The following NAB1 variants were observed in gnomAD, a reference collection of about 807,000 sequenced individuals.
NAB1 encodes the protein NGFI-A binding protein 1.
Under a neutral mutation model 49.9 loss-of-function variants are expected in NAB1, and 25 were observed. The observed-to-expected ratio is 0.50, with a 90% CI of 0.37 to 0.70. The LOEUF is 0.70. Among genes scored for constraint, NAB1 ranks in the 30% least tolerant of loss-of-function variants. NAB1 has a pLI of 0.00. For synonymous variants in NAB1, 198 were observed against 215.6 expected, an observed-to-expected ratio of 0.92 and a Z score of 0.71; for missense variants, 489 against 575.9, an observed-to-expected ratio of 0.85 and a Z score of 1.54.
At position 190,683,807 on chromosome 2, in the gene NAB1, C is replaced by G; in HGVS notation, c.1075C>G (p.Leu359Val). 3 of 1,613,294 alleles carry G rather than the reference C, an allele frequency of 1.9e-6. No individual in the cohort carries two copies. Among genetic ancestry groups the G allele is most frequent in the Non-Finnish European group, 2.5e-6 (3 of 1,179,600 alleles). ...GCAGGCTAGAGCTAAGAGTGAAGAACTTGCAGCTCTTAGTTCACAGGTAAC... is the reference window on the plus strand; with the variant it reads ...GCAGGCTAGAGCTAAGAGTGAAGAAGTTGCAGCTCTTAGTTCACAGGTAAC... ...FQQARAKSEE[L>V]AALSSQQPEK... The change falls in exon 7 of 10, where the codon CTT becomes GTT. Residue 359 changes from leucine to valine, a missense_variant. This residue lies in a region of NAB1 where 212 missense variants were observed against 199.3 expected (regional missense o/e 1.06). Transcript: ENST00000337386.
In NAB1 at chr2:190,689,665, AAT is replaced by A. The variant is rs2125899312; in HGVS notation, c.1376-578_1376-577del. Among the ~76,000 whole-genome samples, 1 of 152,248 alleles carries A rather than the reference AAT, an allele frequency of 6.6e-6. No individual in the cohort carries two copies. The highest frequency in any genetic ancestry group is 2.1e-4 in the South Asian group (1 of 4,820). ...ACTCCATGGAATGATTTCTCATGAA[AAT>A]AGTGTTCATTATTTTATCCCTATTT... On this transcript the variant is annotated intron_variant, in intron 9 of 9. Coordinates refer to ENST00000337386, the MANE Select transcript of NAB1 (RefSeq NM_005966.4). This position sits in a 1 kb window ranked among gnomAD's most constrained non-coding sequence, Gnocchi z 4.3.
At chr2:190,655,123 C>G (rs1447160077) in intron 2 of NAB1, among the ~76,000 whole-genome samples, 1 of 152,194 alleles carries the variant, frequency 6.6e-6, no homozygotes, top group Non-Finnish European at 1.5e-5. Flanking sequence ...TTTATGACTA[C>G]TTTTAGTATT....
intron 5 of NAB1, 92 bp from the exon 6 acceptor site, chr2:190,673,009 T>A: frequency 9.1e-7 from 1 of 1,100,206 alleles, no homozygotes; most frequent in Non-Finnish European, 1.3e-6. Context: ...AGGGTATATG[T>A]TTTGGTGGAA....
At position 190,682,127 on chromosome 2, in the gene NAB1, A is replaced by G. The variant is rs571061112; in HGVS notation, c.1006-1611A>G. ...CTTGAAAAAAGTAGGTGGAATACCA[A>G]GTATAAAATGGAAGTAATTTAAGTT... On this transcript the variant is annotated intron_variant, in intron 6 of 9. Transcript: ENST00000337386. The surrounding 1 kb of genome is among the most constrained non-coding windows in gnomAD (Gnocchi z 4.1). 1.3e-5 allele frequency among the ~76,000 whole-genome samples: 2 copies of G among 152,378 alleles called. No individual in the cohort carries two copies. The highest frequency in any genetic ancestry group is 1.9e-4 in the East Asian group (1 of 5,194).
chr2:190,666,428 C>T lies in NAB1; in HGVS notation c.820-3898C>T, dbSNP rs765050927. On this transcript the variant is annotated intron_variant, in intron 4 of 9. Coordinates refer to ENST00000337386, the MANE Select transcript of NAB1 (RefSeq NM_005966.4). This position sits in a 1 kb window ranked among gnomAD's most constrained non-coding sequence, Gnocchi z 5.6. ...TAAAAGATAGCTAACTTTAAGAGGC[C>T]GGGCATGGTGGCTCACGCCTGTAAT... Among the ~76,000 whole-genome samples, 18 of 152,162 alleles carry T rather than the reference C, an allele frequency of 1.2e-4. No homozygotes were observed. The highest frequency in any genetic ancestry group is 1.9e-4 in the East Asian group (1 of 5,176).
In NAB1 at chr2:190,654,291, C is replaced by T. The variant is rs572649650; in HGVS notation, c.-196-1686C>T. Reference sequence around the variant, plus strand: ...CATTGTTTAAGTCTCTGCTTCTTGTCTCTCCTTGCTCTTAACTGACTCTCC... The same window carrying T: ...CATTGTTTAAGTCTCTGCTTCTTGTTTCTCCTTGCTCTTAACTGACTCTCC... On this transcript the variant is annotated intron_variant, in intron 2 of 9. Coordinates refer to ENST00000337386, the MANE Select transcript of NAB1 (RefSeq NM_005966.4). The surrounding 1 kb of genome is among the most constrained non-coding windows in gnomAD (Gnocchi z 5.6). Among the ~76,000 whole-genome samples, 6 of 152,340 alleles carry T rather than the reference C, an allele frequency of 3.9e-5. No homozygotes were observed. Among genetic ancestry groups the T allele is most frequent in the African/African-American group, 1.4e-4 (6 of 41,574 alleles).
rs1695543071 is a variant in NAB1 at position 190,685,121 on chromosome 2, G to A, written c.1096-355G>A. 6.6e-6 allele frequency among the ~76,000 whole-genome samples: 1 copy of A among 152,178 alleles called. No homozygotes were observed. The highest frequency in any genetic ancestry group is 2.4e-5 in the African/African-American group (1 of 41,446). On this transcript the variant is annotated intron_variant, in intron 7 of 9. Transcript: ENST00000337386. The surrounding 1 kb of genome is among the most constrained non-coding windows in gnomAD (Gnocchi z 4.5). ...CAAGATTTCGCCCCAAGTGTTAGAA[G>A]TAGTTTATAGCAGATGTTGCTGTTG...
At chr2:190,650,214 C>T (rs1381326949) in intron 2 of NAB1, among the ~76,000 whole-genome samples, 3 of 152,192 alleles carry the variant, frequency 2.0e-5, no homozygotes, top group South Asian at 2.1e-4. Context: ...CATGTACTTA[C>T]ACCTCGCTCC....
At chr2:190,661,481 A>G (rs1273736921) in intron 4 of NAB1, among the ~76,000 whole-genome samples, 1 of 152,230 alleles carries the variant, frequency 6.6e-6, no homozygotes, top group Non-Finnish European at 1.5e-5. Context: ...AACATAGCAG[A>G]TGAAATACAA....
In NAB1 at chr2:190,682,781, G is replaced by C. The variant is rs922749782; in HGVS notation, c.1006-957G>C. Among the ~76,000 whole-genome samples the C allele has an allele frequency of 6.6e-6, 1 of 152,016 alleles. No homozygotes were observed. Among genetic ancestry groups the C allele is most frequent in the East Asian group, 1.9e-4 (1 of 5,198 alleles). ...GAGTATCAAAAGTATAGATAAATTG[G>C]CATAAATTAAGAAAACAAGAATTCT... On this transcript the variant is annotated intron_variant, in intron 6 of 9. Transcript: ENST00000337386. This position sits in a 1 kb window ranked among gnomAD's most constrained non-coding sequence, Gnocchi z 4.1.
In NAB1 at chr2:190,670,319, T is replaced by C. The variant is rs1313682217; in HGVS notation, c.820-7T>C. 7 of 1,594,474 alleles carry C rather than the reference T, an allele frequency of 4.4e-6. No individual in the cohort carries two copies. Among genetic ancestry groups the C allele is most frequent in the Middle Eastern group, 1.7e-4 (1 of 5,984 alleles). On this transcript the variant is annotated splice_polypyrimidine_tract_variant and splice_region_variant and intron_variant, in intron 4 of 9. Coordinates refer to ENST00000337386, the MANE Select transcript of NAB1 (RefSeq NM_005966.4). The surrounding 1 kb of genome is among the most constrained non-coding windows in gnomAD (Gnocchi z 5.3). The stretch of plus-strand genomic sequence containing the variant: ...CTTAATTTTGAAACTCTGTTTTGGA[T>C]ATCCAGCTCACTGTTAATGAAGCGG...
At chr2:190,653,295 A>G (rs912384511) in intron 2 of NAB1, among the ~76,000 whole-genome samples, 1 of 152,158 alleles carries the variant, frequency 6.6e-6, no homozygotes, top group Admixed American at 6.5e-5. Context: ...TCTTTCATTA[A>G]TGTGCATCAG....
In NAB1 at chr2:190,649,121, C is replaced by T. The variant is rs1398764146; in HGVS notation, c.-573C>T. On this transcript the variant is annotated 5_prime_UTR_variant, in exon 1 of 10. Coordinates refer to ENST00000337386, the MANE Select transcript of NAB1 (RefSeq NM_005966.4). This position sits in a 1 kb window ranked among gnomAD's most constrained non-coding sequence, Gnocchi z 6.1. ...GCGCGCCGCAGCCTGGAGGAGCCGC[C>T]GCCGCCGCCGCGGCCAAGCGAGCGC... The T allele has an allele frequency of 7.1e-6, 1 of 141,798 alleles. No individual in the cohort carries two copies. The highest frequency in any genetic ancestry group is 2.6e-5 in the African/African-American group (1 of 38,762). 8.8% of individuals were successfully genotyped at this position (141,798 alleles called of 1,614,324 possible).
At chr2:190,665,405 G>C (rs1162785004) in intron 4 of NAB1, among the ~76,000 whole-genome samples, 2 of 151,396 alleles carry the variant, frequency 1.3e-5, no homozygotes, top group African/African-American at 4.8e-5. Context: ...CTCCTCTCCT[G>C]ATTCTCAAGT....
Position 190,649,456 on chromosome 2 carries a change from CG to C in NAB1, c.-334+97del, listed in dbSNP as rs980440110. On this transcript the variant is annotated intron_variant, in intron 1 of 9. Coordinates refer to ENST00000337386, the MANE Select transcript of NAB1 (RefSeq NM_005966.4). This position sits in a 1 kb window ranked among gnomAD's most constrained non-coding sequence, Gnocchi z 6.1. Reference sequence around the variant, plus strand: ...ACGGGCGAACTTGGGGCGGCTGAGTCGCGGGGCCACGCGGGCACTTTGGGGG... The same window carrying C: ...ACGGGCGAACTTGGGGCGGCTGAGTCCGGGGCCACGCGGGCACTTTGGGGG... 2.0e-5 allele frequency: 3 copies of C among 152,004 alleles called. No individual in the cohort carries two copies. Among genetic ancestry groups the C allele is most frequent in the Non-Finnish European group, 4.4e-5 (3 of 68,034 alleles). The allele number at this position is 152,004 out of a possible 1,614,324, so 9.4% of individuals were successfully genotyped here.
In NAB1 at chr2:190,675,665, C is replaced by T. The variant is rs1407827769; in HGVS notation, c.1005+2513C>T. On this transcript the variant is annotated intron_variant, in intron 6 of 9. Transcript: ENST00000337386. The surrounding 1 kb of genome is among the most constrained non-coding windows in gnomAD (Gnocchi z 5.2). ...CTTCCTAAATAAGACAAGCGACAATCGGCCCCAGGCTTCTTTAAATGCTTT... is the reference window on the plus strand; with the variant it reads ...CTTCCTAAATAAGACAAGCGACAATTGGCCCCAGGCTTCTTTAAATGCTTT... 6.6e-6 allele frequency among the ~76,000 whole-genome samples: 1 copy of T among 152,208 alleles called. No individual in the cohort carries two copies.
rs1256162841 is a variant in NAB1, at chr2:190,654,856, C to T, written c.-196-1121C>T. ...AAAGAAGAAAAAGCAAAAATGGAAT[C>T]CAAACTTACTTAAATCCGGGAAACT... On this transcript the variant is annotated intron_variant, in intron 2 of 9. Transcript: ENST00000337386. The surrounding 1 kb of genome is among the most constrained non-coding windows in gnomAD (Gnocchi z 5.6). 1.3e-5 allele frequency among the ~76,000 whole-genome samples: 2 copies of T among 152,048 alleles called. No homozygotes were observed. The highest frequency in any genetic ancestry group is 2.9e-5 in the Non-Finnish European group (2 of 68,030).
In NAB1 at chr2:190,666,686, C is replaced by CGG. The variant is rs1292582876; in HGVS notation, c.820-3640_820-3639insGG. Among the ~76,000 whole-genome samples the CGG allele has an allele frequency of 6.6e-6, 1 of 151,388 alleles. No individual in the cohort carries two copies. Among genetic ancestry groups the CGG allele is most frequent in the African/African-American group, 2.4e-5 (1 of 41,176 alleles). On this transcript the variant is annotated intron_variant, in intron 4 of 9. Coordinates refer to ENST00000337386, the MANE Select transcript of NAB1 (RefSeq NM_005966.4). This position sits in a 1 kb window ranked among gnomAD's most constrained non-coding sequence, Gnocchi z 5.6. ...CCAGCCTGGGAGACAGAGTGAGACT[C>CGG]CATCTCAAAAAAAAAAGAAAAAGGA...
intron 2 of NAB1, among the ~76,000 whole-genome samples, chr2:190,650,838 TTTC>T (rs1275431464): frequency 6.6e-6 from 1 of 152,174 alleles, no homozygotes; most frequent in Non-Finnish European, 1.5e-5. Flanking sequence ...AAATAAGGGT[TTTC>T]TTGAGTCTTT....
Sources: allele counts gnomAD v4.1 joint callset (sites outside exome capture counted in the v4.1 genomes callset), GRCh38; gene constraint gnomAD v4.1.1; regional missense constraint gnomAD v4.1.1; non-coding constraint Gnocchi (gnomAD v3.1); transcripts MANE v1.5; gene names NCBI Gene and HGNC (gene_info 2026-07-23, HGNC 2026-07-21).